The following NPHP1 variants were observed in gnomAD, a reference collection of about 807,000 sequenced individuals.
NPHP1 encodes nephrocystin-1.
In NPHP1, 70 loss-of-function variants were observed where a neutral mutation model predicts 90.4. The observed-to-expected ratio is 0.77, with a 90% CI of 0.64 to 0.95. The LOEUF (loss-of-function observed/expected upper bound fraction) is 0.95, where lower values mean the gene tolerates loss of function less well. Among genes scored for constraint, NPHP1 ranks in the 40% least tolerant of loss-of-function variants. NPHP1 has a pLI of 0.00. For missense variants in NPHP1, 764 were observed against 795.9 expected (o/e 0.96, Z 0.48); for synonymous variants, 256 against 271.7 (o/e 0.94, Z 0.57).
chr2:110,125,818 T>C (rs1345294501), intron 18 of NPHP1, 137 bp from the exon 19 acceptor site: 3 of 753,120 alleles, frequency 4.0e-6, no homozygotes, highest in Non-Finnish European at 7.0e-6. Flanking sequence ...AAGAAGTGAA[T>C]CTGTAATTAG....
chr2:110,141,796 C>T (rs184665169), intron 16 of NPHP1, among the ~76,000 whole-genome samples: 1,560 of 151,790 alleles, frequency 0.01, 26 homozygotes, highest in African/African-American at 0.036. Flanking sequence ...CATGGTGAAA[C>T]CCTGTCTCTA....
intron 2 of NPHP1, among the ~76,000 whole-genome samples, chr2:110,198,440 TTA>T (rs1685314994): frequency 6.6e-6 from 1 of 152,142 alleles, no homozygotes; most frequent in South Asian, 2.1e-4. Context: ...TCTAAGGTCT[TTA>T]TATTAGTCAA....
chr2:110,193,871 C>T (rs1346136048), intron 2 of NPHP1, among the ~76,000 whole-genome samples: 3 of 152,094 alleles, frequency 2.0e-5, no homozygotes, highest in Non-Finnish European at 4.4e-5. Context: ...AACCACTAAA[C>T]CACATGGAAA....
intron 2 of NPHP1, among the ~76,000 whole-genome samples, chr2:110,187,840 C>G (rs569999722): frequency 2.0e-5 from 3 of 152,188 alleles, no homozygotes; most frequent in Non-Finnish European, 2.9e-5. Flanking sequence ...GCTTCATCCC[C>G]AGGATGAAAG....
rs1680865322 is a variant in NPHP1 at position 110,144,416 on chromosome 2, T to C, written c.1429+77A>G. 5 of 915,774 alleles carry C rather than the reference T, an allele frequency of 5.5e-6. No individual in the cohort carries two copies. In the Admixed American group the frequency reaches 7.2e-5, roughly 13 times the overall value. 56.7% of individuals were successfully genotyped at this position (915,774 alleles called of 1,614,324 possible). Reference sequence around the variant, plus strand: ...ATTCAAGTAAAAAACGCTATGCTTATTAGAATGTAGCTACCTCTCAGATGC... The same window carrying C: ...ATTCAAGTAAAAAACGCTATGCTTACTAGAATGTAGCTACCTCTCAGATGC... On this transcript the variant is annotated intron_variant, in intron 15 of 19. Coordinates refer to ENST00000445609, the MANE Select transcript of NPHP1 (RefSeq NM_001128178.3).
chr2:110,134,556 A>G (rs1680025311), intron 16 of NPHP1, among the ~76,000 whole-genome samples: 1 of 151,838 alleles, frequency 6.6e-6, no homozygotes, highest in Admixed American at 6.6e-5. Flanking sequence ...CTACAGGCCA[A>G]TATTCCTGAA....
chr2:110,123,489 A>T lies in NPHP1; in HGVS notation c.*302T>A. 4.1e-6 allele frequency: 1 copy of T among 242,408 alleles called. No individual in the cohort carries two copies. Among genetic ancestry groups the T allele is most frequent in the East Asian group, 8.7e-5 (1 of 11,512 alleles). The allele number at this position is 242,408 out of a possible 1,614,324, so 15.0% of individuals were successfully genotyped here. A position where few individuals can be genotyped will look rare whatever the true frequency, so the allele number is the denominator to read the frequency against. ...CACTTTCTTGAATAATCATAAATTT[A>T]GTTTTTGACAAAATCTTGCTTTTAT... On this transcript the variant is annotated 3_prime_UTR_variant, in exon 20 of 20. Coordinates refer to ENST00000445609, the MANE Select transcript of NPHP1 (RefSeq NM_001128178.3).
At chr2:110,203,864 G>C (rs1344988113) in intron 1 of NPHP1, among the ~76,000 whole-genome samples, 1 of 151,596 alleles carries the variant, frequency 6.6e-6, no homozygotes, top group Non-Finnish European at 1.5e-5. Context: ...GAACTCCTGG[G>C]CTCAGGTGAT....
intron 17 of NPHP1, among the ~76,000 whole-genome samples, chr2:110,131,226 G>A (rs935821778): frequency 6.6e-6 from 1 of 152,152 alleles, no homozygotes; most frequent in East Asian, 1.9e-4. Flanking sequence ...AATAAAGACA[G>A]TACATAGGAC....
chr2:110,204,783 T>G, intron 1 of NPHP1, 117 bp downstream of exon 1: 1 of 1,013,232 alleles, frequency 9.9e-7, no homozygotes, highest in South Asian at 1.3e-5. Context: ...CCTGGGAAGG[T>G]AAGTAGGTTG....
At chr2:110,179,550 A>ATTT (rs1280332950) in intron 3 of NPHP1, 74 bp downstream of exon 3, 1 of 765,818 alleles carries the variant, frequency 1.3e-6, no homozygotes, top group Non-Finnish European at 2.3e-6. Flanking sequence ...TACCAACTTG[A>ATTT]ATTAACTTCC....
intron 16 of NPHP1, among the ~76,000 whole-genome samples, chr2:110,142,065 C>T (rs946380757): frequency 6.6e-6 from 1 of 151,936 alleles, no homozygotes; most frequent in Non-Finnish European, 1.5e-5. Flanking sequence ...TAATCTCACT[C>T]CTAGGTATTT....
intron 2 of NPHP1, chr2:110,185,169 G>A (rs1028397318): frequency 1.4e-5 from 8 of 561,700 alleles, no homozygotes; most frequent in Non-Finnish European, 2.1e-5. Context: ...CTATCCACAG[G>A]AAAACCTTCT....
intron 13 of NPHP1, 127 bp downstream of exon 13, chr2:110,147,789 T>C (rs886731217): frequency 6.0e-6 from 4 of 664,622 alleles, no homozygotes; most frequent in Non-Finnish European, 1.1e-5. Flanking sequence ...ACTGGCATTC[T>C]CATTCCTCAA....
chr2:110,178,554 G>A lies in NPHP1; in HGVS notation c.205-7C>T. 6.2e-7 allele frequency: 1 copy of A among 1,603,582 alleles called. No individual in the cohort carries two copies. ...CAGGTGCAGATTCATCAGCCTATGA[G>A]AGAATATAGGTCTATTTCACTAAAA... On this transcript the variant is annotated splice_region_variant and splice_polypyrimidine_tract_variant and intron_variant, in intron 3 of 19. Transcript: ENST00000445609.
At chr2:110,183,314 C>A (rs2104631920) in intron 2 of NPHP1, among the ~76,000 whole-genome samples, 1 of 152,298 alleles carries the variant, frequency 6.6e-6, no homozygotes, top group East Asian at 1.9e-4. Flanking sequence ...TAAAGGCATT[C>A]CTGAACCACA....
chr2:110,160,256 C>G lies in NPHP1; in HGVS notation c.955-1G>C. The G allele has an allele frequency of 6.2e-7, 1 of 1,605,736 alleles. No individual in the cohort carries two copies. The highest frequency in any genetic ancestry group is 1.3e-5 in the African/African-American group (1 of 74,812). On this transcript the variant is annotated splice_acceptor_variant, in intron 10 of 19. Transcript: ENST00000445609. LOFTEE classifies it high-confidence loss of function. ...AAATACGACTTGGTCTCGACCTAAT[C>G]TGAAAGAAAAATTAGTTATAAAAAA...
Position 110,123,443 on chromosome 2 carries a change from C to A in NPHP1, c.*348G>T. On this transcript the variant is annotated 3_prime_UTR_variant, in exon 20 of 20. Coordinates refer to ENST00000445609, the MANE Select transcript of NPHP1 (RefSeq NM_001128178.3). ...TAGATGATTTGCAAATATGTTTTCCCATTCTGTAGGTTGTTTTTTTCACTT... is the reference window on the plus strand; with the variant it reads ...TAGATGATTTGCAAATATGTTTTCCAATTCTGTAGGTTGTTTTTTTCACTT... 1 of 194,512 alleles carries A rather than the reference C, an allele frequency of 5.1e-6. No individual in the cohort carries two copies. Among genetic ancestry groups the A allele is most frequent in the South Asian group, 1.0e-4 (1 of 9,642 alleles). The allele number at this position is 194,512 out of a possible 1,614,324, so 12.0% of individuals were successfully genotyped here.
chr2:110,174,788 T>C (rs1683397317), intron 4 of NPHP1, among the ~76,000 whole-genome samples: 3 of 151,736 alleles, frequency 2.0e-5, no homozygotes, highest in Admixed American at 6.6e-5. Context: ...TTGCAGTCTA[T>C]TTAGTGCCAC....
Sources: allele counts gnomAD v4.1 joint callset (sites outside exome capture counted in the v4.1 genomes callset), GRCh38; gene constraint gnomAD v4.1.1; transcripts MANE v1.5; gene names NCBI Gene and HGNC (gene_info 2026-07-23, HGNC 2026-07-21).